Variants in CLCN5 observed in about 807,000 individuals in gnomAD.
The protein encoded by CLCN5 is H(+)/Cl(-) exchange transporter 5.
A neutral mutation model predicts 54.0 loss-of-function variants in CLCN5; 17 were observed. The observed-to-expected ratio is 0.31, with a 90% CI of 0.22 to 0.47. CLCN5 has a LOEUF of 0.47. Ranked by LOEUF, CLCN5 falls within the 20% of genes least tolerant of loss-of-function variation. CLCN5 has a pLI of 1.00. For missense variants in CLCN5, 448 were observed against 646.7 expected (o/e 0.69, Z 3.33); for synonymous variants, 222 against 233.0 (o/e 0.95, Z 0.43).
At chrX:49,960,166 GATATTAATTC>G (rs1326181917) in intron 3 of CLCN5, among the ~76,000 whole-genome samples, 1 of 110,339 alleles carries the variant, frequency 9.1e-6, no homozygotes, top group Admixed American at 9.7e-5. Flanking sequence ...CCAACCATTT[GATATTAATTC>G]CCACAGTATC....
intron 3 of CLCN5, chrX:50,008,581 C>A (rs782211122): frequency 6.3e-6 from 2 of 315,266 alleles, no homozygotes; most frequent in African/African-American, 2.6e-5. Context: ...TATTTATTGA[C>A]CACCTTTTCT....
intron 6 of CLCN5, 64 bp from the exon 7 acceptor site, chrX:50,075,731 G>A: frequency 9.8e-7 from 1 of 1,023,747 alleles, no homozygotes; most frequent in Non-Finnish European, 1.4e-6. Flanking sequence ...TTATTCTGAT[G>A]ACCAAAGAAC....
chrX:49,935,422 C>T (rs1203752047), intron 3 of CLCN5, among the ~76,000 whole-genome samples: 1 of 112,199 alleles, frequency 8.9e-6, no homozygotes, highest in African/African-American at 3.2e-5. Flanking sequence ...CAGGCAGGCA[C>T]TGTGTTGGGT....
intron 3 of CLCN5, chrX:50,010,743 A>G (rs151318590): frequency 0.014 from 1,581 of 116,761 alleles, 21 homozygotes; most frequent in African/African-American, 0.049. Context: ...AGGATTCTGC[A>G]AGGGGGAGTG....
In CLCN5 at chrX:50,094,031, C is replaced by T. The variant is rs1423801875; in HGVS notation, c.*1812C>T. 9.0e-6 allele frequency: 1 copy of T among 111,608 alleles called. No homozygotes were observed. Among genetic ancestry groups the T allele is most frequent in the Non-Finnish European group, 1.9e-5 (1 of 53,135 alleles). The allele number at this position is 111,608 out of a possible 1,213,427, so 9.2% of individuals were successfully genotyped here. A position where few individuals can be genotyped will look rare whatever the true frequency, so the allele number is the denominator to read the frequency against. ...GTCATTCTGCATATTCCCACCAACC[C>T]TCTACCCCCAAACACTTCAGTGTAC... is the stretch of plus-strand genomic sequence containing the variant. On this transcript the variant is annotated 3_prime_UTR_variant, in exon 15 of 15. Coordinates refer to ENST00000376091, the MANE Select transcript of CLCN5 (RefSeq NM_001127898.4).
chrX:49,959,010 G>T (rs1927468143), intron 3 of CLCN5, among the ~76,000 whole-genome samples: 1 of 110,453 alleles, frequency 9.1e-6, no homozygotes, highest in Admixed American at 9.6e-5. Context: ...TTTCTGTGCA[G>T]CTTATGTTGT....
chrX:50,060,207 G>A (rs377213648), intron 4 of CLCN5, among the ~76,000 whole-genome samples: 76 of 110,541 alleles, frequency 6.9e-4, no homozygotes, highest in African/African-American at 2.2e-3. Context: ...CGTGAGCGAC[G>A]CAGAAGACGG....
In CLCN5 at chrX:50,098,900, T is replaced by C. The variant is rs782740167; in HGVS notation, c.*6681T>C. 1.8e-5 allele frequency: 2 copies of C among 112,375 alleles called. No individual in the cohort carries two copies. The highest frequency in any genetic ancestry group is 7.6e-4 in the South Asian group (2 of 2,637). 9.3% of individuals were successfully genotyped at this position (112,375 alleles called of 1,213,427 possible). ...ACCTGATTTCTATTCCCTATGCTTC[T>C]ACTAACTAGCCTCGAGATCTTAACC... On this transcript the variant is annotated 3_prime_UTR_variant, in exon 15 of 15. Coordinates refer to ENST00000376091, the MANE Select transcript of CLCN5 (RefSeq NM_001127898.4).
chrX:49,930,028 G>A (rs1925563892), intron 3 of CLCN5, among the ~76,000 whole-genome samples: 1 of 110,944 alleles, frequency 9.0e-6, no homozygotes, highest in Non-Finnish European at 1.9e-5. Flanking sequence ...CTTAACAGGG[G>A]GATAAGAAAA....
chrX:50,036,292 A>C (rs1427175414), intron 3 of CLCN5, among the ~76,000 whole-genome samples: 2 of 112,468 alleles, frequency 1.8e-5, no homozygotes, highest in Non-Finnish European at 3.7e-5. Flanking sequence ...TATATTCATA[A>C]CATCTGTTTT....
intron 3 of CLCN5, among the ~76,000 whole-genome samples, chrX:49,936,835 T>C (rs925351607): frequency 8.0e-5 from 9 of 112,380 alleles, no homozygotes; most frequent in South Asian, 7.4e-4. Flanking sequence ...CTAGTTGCCA[T>C]CTTTTTACTA....
intron 4 of CLCN5, among the ~76,000 whole-genome samples, chrX:50,052,723 G>T (rs1336077583): frequency 2.7e-5 from 3 of 111,131 alleles, no homozygotes; most frequent in Non-Finnish European, 5.7e-5. Flanking sequence ...TAATAATAGG[G>T]AATACATTTA....
intron 4 of CLCN5, among the ~76,000 whole-genome samples, chrX:50,058,334 A>G (rs1932798771): frequency 9.0e-6 from 1 of 111,302 alleles, no homozygotes; most frequent in Non-Finnish European, 1.9e-5. Context: ...TTAGTGTTTA[A>G]CTAGTTCACT....
chrX:49,931,820 A>G (rs782428673), intron 3 of CLCN5, among the ~76,000 whole-genome samples: 12 of 105,616 alleles, frequency 1.1e-4, no homozygotes, highest in African/African-American at 4.2e-4. Context: ...GGTGGCTGAC[A>G]TGGGATCACT....
intron 3 of CLCN5, among the ~76,000 whole-genome samples, chrX:49,992,840 T>C (rs1365671824): frequency 8.9e-6 from 1 of 111,821 alleles, no homozygotes; most frequent in Non-Finnish European, 1.9e-5. Context: ...TTTTCCTTGG[T>C]TTATAAAGTA....
chrX:50,084,084 A>G (rs192665146), intron 9 of CLCN5, among the ~76,000 whole-genome samples: 4 of 112,150 alleles, frequency 3.6e-5, no homozygotes, highest in African/African-American at 9.7e-5. Flanking sequence ...AGATTTCGTC[A>G]CTGTGCAAGC....
chrX:50,081,017 G>C (rs1557193064), intron 8 of CLCN5, among the ~76,000 whole-genome samples: 2 of 111,470 alleles, frequency 1.8e-5, no homozygotes, highest in South Asian at 3.8e-4. Context: ...TGAAAAAGCA[G>C]TGTTATTGTC....
intron 4 of CLCN5, among the ~76,000 whole-genome samples, chrX:50,066,202 C>CAAA (rs781827477): frequency 7.7e-5 from 5 of 65,314 alleles, no homozygotes; most frequent in African/African-American, 3.8e-4. Flanking sequence ...AATTCCAGAG[C>CAAA]AAAAAAAAAA....
At position 50,094,948 on chromosome X, in the gene CLCN5, C is replaced by G. The variant is rs1429650405; in HGVS notation, c.*2729C>G. 1 of 112,763 alleles carries G rather than the reference C, an allele frequency of 8.9e-6. No individual in the cohort carries two copies. The highest frequency in any genetic ancestry group is 1.9e-5 in the Non-Finnish European group (1 of 53,335). The allele number at this position is 112,763 out of a possible 1,213,427, so 9.3% of individuals were successfully genotyped here. A position where few individuals can be genotyped will look rare whatever the true frequency, so the allele number is the denominator to read the frequency against. On this transcript the variant is annotated 3_prime_UTR_variant, in exon 15 of 15. Coordinates refer to ENST00000376091, the MANE Select transcript of CLCN5 (RefSeq NM_001127898.4). Reference sequence around the variant, plus strand: ...GTTCTTTCTGCCATTGCCACTTTAACAGTTGGACATGCTTAAGCAACAAAT... The same window carrying G: ...GTTCTTTCTGCCATTGCCACTTTAAGAGTTGGACATGCTTAAGCAACAAAT...
Sources: gnomAD v4.1 joint callset for allele counts (sites outside exome capture counted in the v4.1 genomes callset) on GRCh38, gnomAD v4.1.1 for gene constraint, MANE v1.5 for transcripts, NCBI Gene and HGNC (gene_info 2026-07-23, HGNC 2026-07-21) for gene names.